Variants in NTRK3 observed in about 807,000 individuals in gnomAD.
NTRK3 encodes the protein NT-3 growth factor receptor.
A neutral mutation model predicts 91.7 loss-of-function variants in NTRK3; 24 were observed. That is an observed-to-expected ratio of 0.26 (90% CI 0.19 to 0.37). The LOEUF (loss-of-function observed/expected upper bound fraction) is 0.37, where lower values mean the gene tolerates loss of function less well. Ranked by LOEUF, NTRK3 falls within the 10% of genes least tolerant of loss-of-function variation. NTRK3 has a pLI of 1.00. For synonymous variants in NTRK3, 483 were observed against 404.0 expected (o/e 1.20, Z -2.34); for missense variants, 880 against 1,068.9 (o/e 0.82, Z 2.46).
chr15:88,152,576 T>C (rs1230619004), intron 5 of NTRK3, among the ~76,000 whole-genome samples: 1 of 152,246 alleles, frequency 6.6e-6, no homozygotes, highest in Non-Finnish European at 1.5e-5. Context: ...CTTAGGCTTC[T>C]AGCCTCCAGA....
At chr15:87,867,509 T>G (rs1315330790) in exon 19 of NTRK3, 1 of 229,888 alleles carries the variant, frequency 4.3e-6, no homozygotes, top group Non-Finnish European at 8.6e-6. Flanking sequence ...AATATTTCAG[T>G]GATAACCAAC....
chr15:87,900,754 T>C (rs547357323), intron 17 of NTRK3, among the ~76,000 whole-genome samples: 1 of 147,522 alleles, frequency 6.8e-6, no homozygotes, highest in African/African-American at 2.5e-5. Context: ...AAGGAGAGCA[T>C]GGGCCAGAAT....
rs142439481 is a variant in NTRK3 at position 88,182,523 on chromosome 15, C to T, written c.395+895G>A. ...ACTAGCCCATAGCACACCACTTCTC[C>T]ACTTTCTCCCCAAAGGCAATAGACC... On this transcript the variant is annotated intron_variant, in intron 5 of 18. Coordinates refer to ENST00000394480, the Ensembl canonical transcript of NTRK3. Among the ~76,000 whole-genome samples, 1,050 of 152,322 alleles carry T rather than the reference C, an allele frequency of 6.9e-3. 15 individuals carry two copies. Among genetic ancestry groups the T allele is most frequent in the African/African-American group, 0.024 (992 of 41,562 alleles).
chr15:88,226,314 G>T (rs1359884470), intron 3 of NTRK3, among the ~76,000 whole-genome samples: 3 of 152,170 alleles, frequency 2.0e-5, no homozygotes, highest in Non-Finnish European at 2.9e-5. Context: ...CCACCCCAGA[G>T]GTTGCAGCCA....
intron 13 of NTRK3, among the ~76,000 whole-genome samples, chr15:88,074,067 A>C (rs1231869533): frequency 6.6e-6 from 1 of 152,214 alleles, no homozygotes; most frequent in African/African-American, 2.4e-5. Context: ...AGGTGCTACC[A>C]GCCCCTGATG....
At position 88,241,166 on chromosome 15, in the gene NTRK3, G is replaced by A. The variant is rs1244384663; in HGVS notation, c.248+14740C>T. On this transcript the variant is annotated intron_variant, in intron 3 of 18. Transcript: ENST00000394480. This position sits in a 1 kb window ranked among gnomAD's most constrained non-coding sequence, Gnocchi z 4.3. ...TAGGACACATCGTGGGGCTCCCGAGGGTGTCAGCTGGACTGAGACACTAGC... is the reference window on the plus strand; with the variant it reads ...TAGGACACATCGTGGGGCTCCCGAGAGTGTCAGCTGGACTGAGACACTAGC... Among the ~76,000 whole-genome samples the A allele has an allele frequency of 6.6e-6, 1 of 152,182 alleles. No homozygotes were observed. Among genetic ancestry groups the A allele is most frequent in the Admixed American group, 6.5e-5 (1 of 15,282 alleles).
chr15:88,160,037 G>A (rs2044300399), intron 5 of NTRK3, among the ~76,000 whole-genome samples: 1 of 150,202 alleles, frequency 6.7e-6, no homozygotes, highest in African/African-American at 2.5e-5. Flanking sequence ...GACGACAGAG[G>A]CTAGAAACCA....
At position 88,132,864 on chromosome 15, in the gene NTRK3, G is replaced by A. The variant is rs148111959; in HGVS notation, c.1204+2237C>T. Among the ~76,000 whole-genome samples, 100 of 152,286 alleles carry A rather than the reference G, an allele frequency of 6.6e-4. 2 individuals carry two copies. The highest frequency in any genetic ancestry group is 2.9e-5 in the Non-Finnish European group (2 of 68,022). On this transcript the variant is annotated intron_variant, in intron 10 of 18. Coordinates refer to ENST00000394480, the Ensembl canonical transcript of NTRK3. ...CAAATCTTCCCACAGGGTGACCCTAGCAGGATGGAGATGGGTCTGAGGAAA... is the reference window on the plus strand; with the variant it reads ...CAAATCTTCCCACAGGGTGACCCTAACAGGATGGAGATGGGTCTGAGGAAA...
chr15:88,170,591 A>T (rs1449023467), intron 5 of NTRK3, among the ~76,000 whole-genome samples: 1 of 152,194 alleles, frequency 6.6e-6, no homozygotes, highest in African/African-American at 2.4e-5. Context: ...AGAAAGAAGG[A>T]AGTCACCTGT....
At chr15:88,048,171 A>G (rs114700444) in intron 13 of NTRK3, among the ~76,000 whole-genome samples, 56 of 152,252 alleles carry the variant, frequency 3.7e-4, no homozygotes, top group African/African-American at 1.3e-3. Flanking sequence ...TCCTCAGGGT[A>G]TAGGTCAATC....
At chr15:87,909,087 T>C (rs1485563721) in intron 17 of NTRK3, among the ~76,000 whole-genome samples, 1 of 152,128 alleles carries the variant, frequency 6.6e-6, no homozygotes, top group Admixed American at 6.5e-5. Flanking sequence ...ACCACTGCTT[T>C]TAGGGCTACC....
At chr15:87,981,137 G>A in intron 14 of NTRK3, 2 of 1,546,150 alleles carry the variant, frequency 1.3e-6, no homozygotes, top group Non-Finnish European at 8.7e-7. Context: ...AATATATGGA[G>A]GCTTGATGAG....
rs147165411 is a variant in NTRK3, at chr15:88,213,843, G to T, written c.249-29544C>A. 2.2e-3 allele frequency among the ~76,000 whole-genome samples: 328 copies of T among 152,270 alleles called. 1 individual carries two copies. Among genetic ancestry groups the T allele is most frequent in the African/African-American group, 7.6e-3 (316 of 41,548 alleles). ...ACCTGTAATCCCAGCACTTTGGGAG[G>T]ATAAGGCGGGTGGATCACCTGAGGT... On this transcript the variant is annotated intron_variant, in intron 3 of 18. Transcript: ENST00000394480.
At chr15:88,206,641 G>T (rs2048809409) in intron 3 of NTRK3, among the ~76,000 whole-genome samples, 1 of 132,522 alleles carries the variant, frequency 7.5e-6, no homozygotes, top group African/African-American at 2.7e-5. Context: ...CTGGGCGACA[G>T]AGCAAGACTC....
intron 14 of NTRK3, among the ~76,000 whole-genome samples, chr15:88,010,708 G>A (rs1277579462): frequency 6.6e-6 from 1 of 151,846 alleles, no homozygotes; most frequent in Non-Finnish European, 1.5e-5. Flanking sequence ...CTTGCTAAAT[G>A]TATTTTTACC....
intron 5 of NTRK3, among the ~76,000 whole-genome samples, chr15:88,169,123 G>A (rs767070000): frequency 1.3e-5 from 2 of 152,174 alleles, no homozygotes; most frequent in African/African-American, 2.4e-5. Flanking sequence ...GCAGGGAGAT[G>A]CTGGAACTGG....
intron 14 of NTRK3, among the ~76,000 whole-genome samples, chr15:87,992,511 A>G (rs1290701878): frequency 1.3e-5 from 2 of 152,238 alleles, no homozygotes; most frequent in East Asian, 3.8e-4. Context: ...CGCATACACT[A>G]CAATGAAATG....
At chr15:88,122,645 T>C (rs1434377143) in intron 13 of NTRK3, among the ~76,000 whole-genome samples, 1 of 152,180 alleles carries the variant, frequency 6.6e-6, no homozygotes, top group Non-Finnish European at 1.5e-5. Flanking sequence ...TCTTTTTCTG[T>C]ATTTTTTTTA....
At chr15:88,172,780 G>A (rs988391646) in intron 5 of NTRK3, among the ~76,000 whole-genome samples, 1 of 152,178 alleles carries the variant, frequency 6.6e-6, no homozygotes, top group Non-Finnish European at 1.5e-5. Flanking sequence ...ATGATCGGGG[G>A]TTGGGGGGCA....
Sources: gnomAD v4.1 joint callset for allele counts (sites outside exome capture counted in the v4.1 genomes callset) on GRCh38, gnomAD v4.1.1 for gene constraint, Gnocchi (gnomAD v3.1) non-coding constraint, MANE v1.5 for transcripts, NCBI Gene and HGNC (gene_info 2026-07-23, HGNC 2026-07-21) for gene names.